The following ADCY10 variants were observed in gnomAD, a reference collection of about 807,000 sequenced individuals.
The protein encoded by ADCY10 is adenylate cyclase type 10.
Under a neutral mutation model 183.3 loss-of-function variants are expected in ADCY10, and 156 were observed. The observed-to-expected ratio is 0.85, with a 90% CI of 0.75 to 0.97. ADCY10 has a LOEUF of 0.97. Among genes scored for constraint, ADCY10 ranks in the 50% least tolerant of loss-of-function variants. The pLI, the probability that ADCY10 is intolerant of heterozygous loss-of-function variation, is 0.00. For synonymous variants in ADCY10, 645 were observed against 670.0 expected (o/e 0.96, Z 0.58); for missense variants, 1,745 against 1,934.3 (o/e 0.90, Z 1.84).
chr1:167,904,646 T>C (rs1669692692), intron 2 of ADCY10: 1 of 560,498 alleles, frequency 1.8e-6, no homozygotes, highest in Non-Finnish European at 3.2e-6. Flanking sequence ...GATGTAAACA[T>C]CATCTAGGGA....
chr1:167,841,496 G>A (rs920514539), intron 21 of ADCY10, among the ~76,000 whole-genome samples: 2 of 83,672 alleles, frequency 2.4e-5, no homozygotes, highest in Non-Finnish European at 4.2e-5. Context: ...TATACTATAT[G>A]CTTTCCTTTT....
chr1:167,819,561 TA>T (rs937278373), intron 30 of ADCY10, among the ~76,000 whole-genome samples: 1 of 141,086 alleles, frequency 7.1e-6, no homozygotes, highest in Non-Finnish European at 1.6e-5. Context: ...TTTTATTTTT[TA>T]TTTTTTTTTA....
chr1:167,913,202 C>T (rs763023687), intron 1 of ADCY10, among the ~76,000 whole-genome samples: 1 of 152,048 alleles, frequency 6.6e-6, no homozygotes, highest in African/African-American at 2.4e-5. Flanking sequence ...GGCAAGCAGG[C>T]GAATGAGGCC....
intron 19 of ADCY10, among the ~76,000 whole-genome samples, chr1:167,847,484 C>T (rs905225358): frequency 3.3e-5 from 5 of 151,728 alleles, no homozygotes; most frequent in African/African-American, 7.3e-5. Flanking sequence ...GGCGTGATCT[C>T]GGCTCACTGC....
chr1:167,885,988 T>C (rs746084021), intron 8 of ADCY10, among the ~76,000 whole-genome samples: 1 of 152,094 alleles, frequency 6.6e-6, no homozygotes, highest in South Asian at 2.1e-4. Context: ...GCTTCTTATA[T>C]AGGGATGTGA....
chr1:167,904,082 CTTTTTTTTTTTTTT>C, intron 2 of ADCY10, 91 bp from the exon 3 acceptor site: 2 of 363,266 alleles, frequency 5.5e-6, no homozygotes. Flanking sequence ...CGGGCCTCAG[CTTTTTTTTTTTTTT>C]TTTTTTTTTG....
chr1:167,885,530 T>C (rs1474614284), intron 8 of ADCY10, among the ~76,000 whole-genome samples: 1 of 152,248 alleles, frequency 6.6e-6, no homozygotes, highest in East Asian at 1.9e-4. Context: ...TTTTCATTTA[T>C]CTGATGATTG....
At chr1:167,828,136 A>G (rs1007287190) in intron 26 of ADCY10, among the ~76,000 whole-genome samples, 2 of 152,246 alleles carry the variant, frequency 1.3e-5, no homozygotes, top group Admixed American at 6.5e-5. Flanking sequence ...TCTTTGGACT[A>G]TCTTACAACT....
At chr1:167,825,681 A>G (rs1353019433) in intron 26 of ADCY10, among the ~76,000 whole-genome samples, 1 of 152,152 alleles carries the variant, frequency 6.6e-6, no homozygotes, top group African/African-American at 2.4e-5. Context: ...GCTACTCAGG[A>G]AGCTGAGGTG....
intron 25 of ADCY10, among the ~76,000 whole-genome samples, chr1:167,831,931 G>A (rs1571243373): frequency 6.6e-6 from 1 of 152,100 alleles, no homozygotes; most frequent in African/African-American, 2.4e-5. Flanking sequence ...ACATCTCCCA[G>A]CCCTTCCTCT....
At position 167,854,504 on chromosome 1, in the gene ADCY10, AG is replaced by A. The variant is rs1250822186; in HGVS notation, c.2172-16del. 6.2e-7 allele frequency: 1 copy of A among 1,614,152 alleles called. No homozygotes were observed. The highest frequency in any genetic ancestry group is 1.1e-5 in the South Asian group (1 of 91,080). ...CCCCCAGGTACCTGTAGTGAAAACA[AG>A]GCAATCTGTTTACATTGAAGATACA... On this transcript the variant is annotated splice_polypyrimidine_tract_variant and intron_variant, in intron 17 of 32. Transcript: ENST00000367851.
chr1:167,882,962 T>A (rs1285882125), intron 9 of ADCY10, among the ~76,000 whole-genome samples: 2 of 152,230 alleles, frequency 1.3e-5, no homozygotes, highest in Admixed American at 1.3e-4. Flanking sequence ...CTGAGAACAG[T>A]GCCTGGCACA....
chr1:167,893,253 G>C (rs1668720453), intron 8 of ADCY10, among the ~76,000 whole-genome samples: 1 of 152,154 alleles, frequency 6.6e-6, no homozygotes, highest in African/African-American at 2.4e-5. Flanking sequence ...CATATAGAAA[G>C]GGTGCCCGCA....
In ADCY10 at chr1:167,837,232, A is replaced by G; in HGVS notation, c.3077+17T>C. On this transcript the variant is annotated intron_variant, in intron 22 of 32. Coordinates refer to ENST00000367851, the MANE Select transcript of ADCY10 (RefSeq NM_018417.6). ...TTATTTATGCTCTACTTCCTAAACA[A>G]TGATATATGCCTCTACCTGCGATTT... 6.3e-7 allele frequency: 1 copy of G among 1,594,954 alleles called. No individual in the cohort carries two copies. Among genetic ancestry groups the G allele is most frequent in the Non-Finnish European group, 8.6e-7 (1 of 1,162,672 alleles).
chr1:167,906,439 T>C (rs1221983981), intron 1 of ADCY10, among the ~76,000 whole-genome samples: 2 of 151,630 alleles, frequency 1.3e-5, no homozygotes, highest in Admixed American at 1.3e-4. Context: ...ATAGATAAAA[T>C]TAAATCAAAT....
intron 23 of ADCY10, 67 bp downstream of exon 23, chr1:167,836,242 T>C: frequency 9.3e-7 from 1 of 1,074,034 alleles, no homozygotes; most frequent in Non-Finnish European, 1.4e-6. Context: ...ATGCTGGAGC[T>C]TCCTTCTGGC....
In ADCY10 at chr1:167,862,598, TAC is replaced by T. The variant is rs564920845; in HGVS notation, c.1617-1537_1617-1536del. Reference sequence around the variant, plus strand: ...AAGCCATCCATTTGTAGTACTTTTTTACAGAGGCCCCGGCTAGTGAATACAGC... The same window carrying T: ...AAGCCATCCATTTGTAGTACTTTTTTAGAGGCCCCGGCTAGTGAATACAGC... On this transcript the variant is annotated intron_variant, in intron 14 of 32. Transcript: ENST00000367851. Among the ~76,000 whole-genome samples, 66 of 152,328 alleles carry T rather than the reference TAC, an allele frequency of 4.3e-4. 1 individual carries two copies. In the Middle Eastern group the frequency reaches 0.017, roughly 39 times the overall value.
intron 8 of ADCY10, among the ~76,000 whole-genome samples, chr1:167,887,537 G>A (rs1293803414): frequency 6.6e-6 from 1 of 152,056 alleles, no homozygotes; most frequent in Non-Finnish European, 1.5e-5. Context: ...ACACACCAGG[G>A]CCTGTCGTGG....
chr1:167,863,933 T>C (rs1010405238), intron 14 of ADCY10, among the ~76,000 whole-genome samples: 2 of 152,208 alleles, frequency 1.3e-5, no homozygotes, highest in Non-Finnish European at 2.9e-5. Context: ...GTTTTGGTTT[T>C]GACTTGGTTT....
Sources: allele counts gnomAD v4.1 joint callset (sites outside exome capture counted in the v4.1 genomes callset), GRCh38; gene constraint gnomAD v4.1.1; transcripts MANE v1.5; gene names NCBI Gene and HGNC (gene_info 2026-07-23, HGNC 2026-07-21).